Variants in RASGRF1 observed in about 807,000 individuals in gnomAD.
The protein encoded by RASGRF1 is ras-specific guanine nucleotide-releasing factor 1.
RASGRF1 carries 40 observed loss-of-function variants against 138.7 expected under a neutral mutation model. The ratio of observed to expected loss-of-function variants is 0.29; its 90% CI spans 0.22 to 0.38. RASGRF1 has a LOEUF of 0.38. RASGRF1 is among the 10% of genes least tolerant of loss of function. RASGRF1 has a pLI of 1.00. For missense variants in RASGRF1, 1,108 were observed against 1,650.4 expected, an observed-to-expected ratio of 0.67 and a Z score of 5.69; for synonymous variants, 614 against 663.2, an observed-to-expected ratio of 0.93 and a Z score of 1.14.
intron 1 of RASGRF1, among the ~76,000 whole-genome samples, chr15:79,081,728 A>G (rs1167159381): frequency 1.3e-5 from 2 of 152,156 alleles, no homozygotes; most frequent in Non-Finnish European, 2.9e-5. Context: ...CTGTATGGCA[A>G]GCCCCTCCAG....
intron 24 of RASGRF1, chr15:78,978,719 C>T (rs1156864658): frequency 1.5e-5 from 16 of 1,091,194 alleles, no homozygotes; most frequent in Admixed American, 4.3e-5. Context: ...CATGCAACAC[C>T]GCTCTTTGTG....
intron 13 of RASGRF1, among the ~76,000 whole-genome samples, chr15:79,007,493 C>A (rs1196326835): frequency 7.2e-6 from 1 of 138,664 alleles, no homozygotes; most frequent in South Asian, 2.4e-4. Flanking sequence ...TTTTTATTTA[C>A]TTCTTTATTT....
At chr15:79,009,686 T>C (rs1437512368) in intron 13 of RASGRF1, among the ~76,000 whole-genome samples, 2 of 151,948 alleles carry the variant, frequency 1.3e-5, no homozygotes, top group Admixed American at 1.3e-4. Flanking sequence ...TCACAATCAC[T>C]GTTGGTTCCA....
rs1393482636 is a variant in RASGRF1 at position 79,006,425 on chromosome 15, G to A, written c.1836C>T (p.Ala612=). The change falls in exon 14 of 27, where the codon GCC becomes GCT. Residue 612 remains alanine, a synonymous_variant. Coordinates refer to ENST00000558480, the MANE Select transcript of RASGRF1 (RefSeq NM_001145648.3). This position sits in a 1 kb window ranked among gnomAD's most constrained non-coding sequence, Gnocchi z 4.0. ...VTVPQMIKSD[A]SLYCDDVDIR... The stretch of plus-strand genomic sequence containing the variant: ...TGTCAACATCATCACAATATAAGGA[G>A]GCGTCGGACCTGAGAGGGGAGGAAG... 1.2e-6 allele frequency: 2 copies of A among 1,611,492 alleles called. No individual in the cohort carries two copies. The highest frequency in any genetic ancestry group is 1.7e-6 in the Non-Finnish European group (2 of 1,178,998).
Position 78,968,025 on chromosome 15 carries a change from G to A in RASGRF1, c.3681+3841C>T, listed in dbSNP as rs147649501. The stretch of plus-strand genomic sequence containing the variant: ...GTTTTTTAAAATCCCAGATCTAACC[G>A]ACATTCACACATTGCATTTAGATGT... On this transcript the variant is annotated intron_variant, in intron 26 of 26. Coordinates refer to ENST00000558480, the MANE Select transcript of RASGRF1 (RefSeq NM_001145648.3). 4.7e-3 allele frequency among the ~76,000 whole-genome samples: 718 copies of A among 151,954 alleles called. 3 individuals are homozygous for A. Among genetic ancestry groups the A allele is most frequent in the Non-Finnish European group, 5.9e-3 (401 of 67,966 alleles).
chr15:79,016,501 T>A (rs1016199825), intron 12 of RASGRF1, among the ~76,000 whole-genome samples: 3 of 152,188 alleles, frequency 2.0e-5, no homozygotes, highest in African/African-American at 7.2e-5. Flanking sequence ...GACTCCCACC[T>A]TGACCCCTTC....
At chr15:79,059,995 C>G (rs2057580329) in intron 2 of RASGRF1, among the ~76,000 whole-genome samples, 1 of 69,748 alleles carries the variant, frequency 1.4e-5, no homozygotes, top group East Asian at 3.4e-4. Context: ...CACACAGACA[C>G]ACACACACAC....
At chr15:79,018,573 A>G (rs1239675410) in intron 11 of RASGRF1, among the ~76,000 whole-genome samples, 1 of 152,214 alleles carries the variant, frequency 6.6e-6, no homozygotes, top group African/African-American at 2.4e-5. Context: ...GCTTTGCTCC[A>G]AAGCTCTATG....
At chr15:79,000,130 C>T (rs1452801074) in intron 16 of RASGRF1, among the ~76,000 whole-genome samples, 3 of 152,148 alleles carry the variant, frequency 2.0e-5, no homozygotes, top group Non-Finnish European at 4.4e-5. Context: ...AGGGCTGTCC[C>T]AGGTTGGGGA....
At chr15:79,074,997 A>C (rs2057813655) in intron 1 of RASGRF1, among the ~76,000 whole-genome samples, 1 of 152,180 alleles carries the variant, frequency 6.6e-6, no homozygotes, top group Non-Finnish European at 1.5e-5. Flanking sequence ...ATCCACAATG[A>C]TTCCAAGGCC....
chr15:78,998,625 C>T (rs2056447409), intron 18 of RASGRF1, 94 bp downstream of exon 18: 1 of 1,058,004 alleles, frequency 9.5e-7, no homozygotes, highest in East Asian at 2.4e-5. Context: ...GCCATCAGCT[C>T]ACTCTGCCCG....
chr15:78,967,455 G>T (rs1342398181), intron 26 of RASGRF1, among the ~76,000 whole-genome samples: 2 of 152,094 alleles, frequency 1.3e-5, no homozygotes. Context: ...GGGTGAGGTA[G>T]GAGGATCGCT....
At chr15:78,998,024 C>A (rs1478355787) in intron 19 of RASGRF1, 72 bp downstream of exon 19, 1 of 1,372,660 alleles carries the variant, frequency 7.3e-7, no homozygotes, top group Non-Finnish European at 1.0e-6. Flanking sequence ...CTGACCAGCC[C>A]ACATGGAGGC....
intron 15 of RASGRF1, among the ~76,000 whole-genome samples, chr15:79,002,824 G>A (rs941709861): frequency 1.3e-5 from 2 of 152,170 alleles, no homozygotes; most frequent in African/African-American, 4.8e-5. Flanking sequence ...CCTCTGCTGG[G>A]GGTGCCCTCT....
At chr15:79,001,196 T>G (rs558900777) in intron 16 of RASGRF1, among the ~76,000 whole-genome samples, 12 of 152,294 alleles carry the variant, frequency 7.9e-5, no homozygotes, top group African/African-American at 2.9e-4. Context: ...GTCAAGATGA[T>G]GAAAGGGGTC....
chr15:79,007,545 GTTTTT>G (rs5813951), intron 13 of RASGRF1, among the ~76,000 whole-genome samples: 1 of 108,978 alleles, frequency 9.2e-6, no homozygotes, highest in Non-Finnish European at 1.8e-5. Context: ...GCCGTATCTA[GTTTTT>G]TTTTTTTTTT....
At chr15:79,024,306 T>TACACACACACACAATGA (rs2057013310) in intron 10 of RASGRF1, among the ~76,000 whole-genome samples, 2 of 149,866 alleles carry the variant, frequency 1.3e-5, no homozygotes, top group African/African-American at 2.5e-5. Flanking sequence ...CCATATACCA[T>TACACACACACACAATGA]ACACACACAC....
intron 14 of RASGRF1, chr15:79,005,498 C>T: frequency 5.1e-6 from 5 of 985,390 alleles, no homozygotes; most frequent in South Asian, 4.7e-5. Flanking sequence ...ACCTACCATT[C>T]CTGGATGCAG....
chr15:79,067,093 C>T (rs1263857818), intron 1 of RASGRF1, among the ~76,000 whole-genome samples: 1 of 152,194 alleles, frequency 6.6e-6, no homozygotes, highest in Non-Finnish European at 1.5e-5. Flanking sequence ...CTGCCTAGAC[C>T]CTGAGTGACT....
Sources: gnomAD v4.1 joint callset for allele counts (sites outside exome capture counted in the v4.1 genomes callset) on GRCh38, gnomAD v4.1.1 for gene constraint, Gnocchi (gnomAD v3.1) non-coding constraint, MANE v1.5 for transcripts, NCBI Gene and HGNC (gene_info 2026-07-23, HGNC 2026-07-21) for gene names.